Variants in PPP1R21 observed in about 807,000 individuals in gnomAD.
PPP1R21 encodes the protein KLRAQ motif containing 1.
Under a neutral mutation model 112.8 loss-of-function variants are expected in PPP1R21, and 85 were observed. The observed-to-expected ratio is 0.75, with a 90% CI of 0.63 to 0.90. PPP1R21 has a LOEUF of 0.90. Ranked by LOEUF, PPP1R21 falls within the 40% of genes least tolerant of loss-of-function variation. PPP1R21 has a pLI of 0.00. For synonymous variants in PPP1R21, 381 were observed against 322.3 expected (o/e 1.18, Z -1.95); for missense variants, 1,199 against 901.5 (o/e 1.33, Z -4.23).
intron 2 of PPP1R21, 35 bp downstream of exon 2, chr2:48,451,111 GT>G: frequency 6.4e-7 from 1 of 1,562,746 alleles, no homozygotes; most frequent in Non-Finnish European, 8.8e-7. Flanking sequence ...TGAGGGTTAA[GT>G]TAGCATTTGG....
chr2:48,468,562 T>C (rs1164700950), intron 9 of PPP1R21, among the ~76,000 whole-genome samples: 4 of 152,076 alleles, frequency 2.6e-5, no homozygotes, highest in Non-Finnish European at 5.9e-5. Flanking sequence ...CCTGTAATCC[T>C]AGTACTTTGG....
At chr2:48,444,208 A>ACC (rs776627854) in intron 1 of PPP1R21, among the ~76,000 whole-genome samples, 39 of 152,282 alleles carry the variant, frequency 2.6e-4, no homozygotes, top group Non-Finnish European at 5.0e-4. Flanking sequence ...GGAGATTAAG[A>ACC]CCCAGTGGTT....
chr2:48,482,560 T>A, intron 13 of PPP1R21, among the ~76,000 whole-genome samples: 1 of 151,922 alleles, frequency 6.6e-6, no homozygotes, highest in East Asian at 1.9e-4. Context: ...AAGAGTAATA[T>A]ATCATCTAGA....
At chr2:48,467,641 T>C (rs991877004) in intron 9 of PPP1R21, among the ~76,000 whole-genome samples, 1 of 152,238 alleles carries the variant, frequency 6.6e-6, no homozygotes, top group African/African-American at 2.4e-5. Context: ...GCAGCTAACA[T>C]TTCTCATAGT....
chr2:48,440,817 C>A lies in PPP1R21; in HGVS notation c.-137C>A, dbSNP rs935033156. The A allele has an allele frequency of 3.1e-6, 2 of 639,528 alleles. No homozygotes were observed. Among genetic ancestry groups the A allele is most frequent in the East Asian group, 3.2e-5 (1 of 31,122 alleles). The allele number at this position is 639,528 out of a possible 1,614,324, so 39.6% of individuals were successfully genotyped here. On this transcript the variant is annotated 5_prime_UTR_variant, in exon 1 of 22. Coordinates refer to ENST00000294952, the MANE Select transcript of PPP1R21 (RefSeq NM_001135629.3). ...CCCGGAAGTGGAGGAGGAGGCGCGG[C>A]GGCGGCGGCGGCGGCGGCTGCGGTG...
chr2:48,472,318 A>T (rs1199939185), intron 11 of PPP1R21, among the ~76,000 whole-genome samples: 1 of 151,668 alleles, frequency 6.6e-6, no homozygotes, highest in Non-Finnish European at 1.5e-5. Context: ...TTTACAGTAA[A>T]ATAAAATTTA....
chr2:48,505,457 C>A, intron 17 of PPP1R21, 107 bp from the exon 18 acceptor site: 1 of 804,704 alleles, frequency 1.2e-6, no homozygotes, highest in Non-Finnish European at 2.1e-6. Flanking sequence ...TAGTTCTGTA[C>A]CCTCAATGCT....
chr2:48,493,644 T>A (rs1558502144), intron 15 of PPP1R21, among the ~76,000 whole-genome samples: 1 of 152,184 alleles, frequency 6.6e-6, no homozygotes, highest in Non-Finnish European at 1.5e-5. Context: ...CATCCAGAAT[T>A]TATTCTGATA....
At chr2:48,461,022 C>A in intron 6 of PPP1R21, 116 bp from the exon 7 acceptor site, 1 of 1,444,700 alleles carries the variant, frequency 6.9e-7, no homozygotes, top group East Asian at 2.8e-5. Flanking sequence ...AAGAGTATCC[C>A]AGATGTCAGG....
chr2:48,460,444 G>A (rs1440421190), intron 6 of PPP1R21, among the ~76,000 whole-genome samples: 1 of 152,114 alleles, frequency 6.6e-6, no homozygotes, highest in East Asian at 1.9e-4. Flanking sequence ...TAAACAGAAG[G>A]GGCCTCTGAT....
intron 13 of PPP1R21, among the ~76,000 whole-genome samples, chr2:48,486,190 C>T (rs776120038): frequency 1.3e-5 from 2 of 151,936 alleles, no homozygotes; most frequent in Non-Finnish European, 2.9e-5. Context: ...CTAGCTATAG[C>T]CCAGTAAGGA....
intron 12 of PPP1R21, among the ~76,000 whole-genome samples, chr2:48,476,140 C>T (rs1210287454): frequency 6.6e-6 from 1 of 152,088 alleles, no homozygotes; most frequent in South Asian, 2.1e-4. Flanking sequence ...AGCCCGTAAA[C>T]CCTAGTAATT....
chr2:48,465,061 G>A, intron 8 of PPP1R21, 72 bp downstream of exon 8: 1 of 1,227,824 alleles, frequency 8.1e-7, no homozygotes, highest in Non-Finnish European at 1.1e-6. Flanking sequence ...AGAATTAGTT[G>A]TGTTTGGACC....
At chr2:48,467,259 T>C (rs1668249168) in intron 9 of PPP1R21, among the ~76,000 whole-genome samples, 1 of 152,190 alleles carries the variant, frequency 6.6e-6, no homozygotes, top group Admixed American at 6.5e-5. Context: ...AGATTTTGCT[T>C]CTTTCTTTCC....
intron 21 of PPP1R21, 48 bp from the exon 22 acceptor site, chr2:48,514,666 AT>A (rs544319437): frequency 5.8e-4 from 771 of 1,335,088 alleles, no homozygotes; most frequent in Middle Eastern, 1.0e-3. Flanking sequence ...TATGTGAGTT[AT>A]TTTTTTTTAT....
Position 48,495,745 on chromosome 2 carries a change from G to C in PPP1R21, c.1666G>C (p.Glu556Gln). 5 of 1,609,546 alleles carry C rather than the reference G, an allele frequency of 3.1e-6. No individual in the cohort carries two copies. The highest frequency in any genetic ancestry group is 4.3e-6 in the Non-Finnish European group (5 of 1,175,796). ...ANRRILLSST[E>Q]SREGLAQQVQ... The stretch of plus-strand genomic sequence containing the variant: ...CCGCCGCATCCTTCTCAGCTCTACT[G>C]AAAGTCGAGAAGGCCTTGCACAGCA... Residue 556 changes from glutamate (E) to glutamine (Q), a missense_variant, in exon 16 of 22, where the codon GAA (glutamate) becomes CAA (glutamine). Coordinates refer to ENST00000294952, the MANE Select transcript of PPP1R21 (RefSeq NM_001135629.3).
intron 7 of PPP1R21, among the ~76,000 whole-genome samples, chr2:48,464,347 A>G (rs1262902420): frequency 6.6e-6 from 1 of 152,142 alleles, no homozygotes; most frequent in Non-Finnish European, 1.5e-5. Flanking sequence ...AGGGATGAGT[A>G]GAGATGAGGA....
chr2:48,440,817 CG>C lies in PPP1R21; in HGVS notation c.-135del. 3.1e-6 allele frequency: 2 copies of C among 639,644 alleles called. No individual in the cohort carries two copies. The highest frequency in any genetic ancestry group is 2.8e-5 in the Admixed American group (1 of 35,952). The allele number at this position is 639,644 out of a possible 1,614,324, so 39.6% of individuals were successfully genotyped here. On this transcript the variant is annotated 5_prime_UTR_variant, in exon 1 of 22. Coordinates refer to ENST00000294952, the MANE Select transcript of PPP1R21 (RefSeq NM_001135629.3). ...CCCGGAAGTGGAGGAGGAGGCGCGG[CG>C]GCGGCGGCGGCGGCGGCTGCGGTGG...
At chr2:48,496,643 T>C (rs183671179) in intron 16 of PPP1R21, among the ~76,000 whole-genome samples, 46 of 152,288 alleles carry the variant, frequency 3.0e-4, no homozygotes, top group African/African-American at 1.1e-3. Context: ...AGTTTTTGTA[T>C]TTTTAGTATA....
Sources: allele counts gnomAD v4.1 joint callset (sites outside exome capture counted in the v4.1 genomes callset), GRCh38; gene constraint gnomAD v4.1.1; transcripts MANE v1.5; gene names NCBI Gene and HGNC (gene_info 2026-07-23, HGNC 2026-07-21).